The following SNTG2 variants were observed in gnomAD, a reference collection of about 807,000 sequenced individuals.
SNTG2 encodes the protein gamma-2-syntrophin.
A neutral mutation model predicts 70.9 loss-of-function variants in SNTG2; 74 were observed. That is an observed-to-expected ratio of 1.04 (90% CI 0.86 to 1.27). The LOEUF (loss-of-function observed/expected upper bound fraction) is 1.27. Among genes scored for constraint, SNTG2 ranks in the 50% most tolerant of loss-of-function variants. SNTG2 has a pLI of 0.00. For synonymous variants in SNTG2, 278 were observed against 273.8 expected (o/e 1.02, Z -0.15); for missense variants, 717 against 690.7 (o/e 1.04, Z -0.43).
chr2:1,367,528 C>A lies in SNTG2; in HGVS notation c.*54C>A, dbSNP rs1661554790. On this transcript the variant is annotated 3_prime_UTR_variant, in exon 17 of 17. Coordinates refer to ENST00000308624, the MANE Select transcript of SNTG2 (RefSeq NM_018968.4). The stretch of plus-strand genomic sequence containing the variant: ...TAAATTATTTTCGTAAGAAATGATT[C>A]TTTCCTGCAGAATATTGCAACTTTG... 2.0e-6 allele frequency: 3 copies of A among 1,537,036 alleles called. No homozygotes were observed. The highest frequency in any genetic ancestry group is 2.5e-5 in the East Asian group (1 of 40,752).
At chr2:1,040,477 C>T (rs1433117127) in intron 1 of SNTG2, among the ~76,000 whole-genome samples, 1 of 152,198 alleles carries the variant, frequency 6.6e-6, no homozygotes, top group Admixed American at 6.5e-5. Flanking sequence ...CACCTTTGCA[C>T]TGACTGGCTC....
intron 12 of SNTG2, among the ~76,000 whole-genome samples, chr2:1,248,219 CT>C (rs1677549993): frequency 6.6e-6 from 1 of 152,124 alleles, no homozygotes; most frequent in Non-Finnish European, 1.5e-5. Flanking sequence ...ATAAGGATGG[CT>C]TTTTAAGTAA....
chr2:998,891 C>T (rs1389843955), intron 1 of SNTG2, among the ~76,000 whole-genome samples: 1 of 151,996 alleles, frequency 6.6e-6, no homozygotes. Flanking sequence ...AAGACAAAAG[C>T]ATCTGATTAC....
In SNTG2 at chr2:1,081,265, G is replaced by A. The variant is rs192521986; in HGVS notation, c.73-2253G>A. Among the ~76,000 whole-genome samples, 48 of 152,304 alleles carry A rather than the reference G, an allele frequency of 3.2e-4. 1 individual carries two copies. In the East Asian group the frequency reaches 8.1e-3, roughly 26 times the overall value. ...GATGCCCACTTGTCATCAGGCGCCC[G>A]TGTGTGAGAGTAAATGCGGGAGGCA... On this transcript the variant is annotated intron_variant, in intron 1 of 16. Transcript: ENST00000308624.
chr2:1,156,979 C>T (rs1197342676), intron 6 of SNTG2, among the ~76,000 whole-genome samples: 1 of 152,124 alleles, frequency 6.6e-6, no homozygotes, highest in African/African-American at 2.4e-5. Flanking sequence ...CCTGGTTATC[C>T]ATAGAAATAT....
At position 1,259,381 on chromosome 2, in the gene SNTG2, C is replaced by T. The variant is rs569178176; in HGVS notation, c.1017C>T (p.Phe339=). ...YVFSTPPVST[F]DWVRAERTYH... ...TCTGTTTCTTGCAGGTGAGCACATT[C>T]GATTGGGTGCGAGCAGAAAGGACCT... The change falls in exon 13 of 17, where the codon TTC becomes TTT. Residue 339 remains phenylalanine, a synonymous_variant. Coordinates refer to ENST00000308624, the MANE Select transcript of SNTG2 (RefSeq NM_018968.4). The T allele has an allele frequency of 4.5e-5, 72 of 1,613,784 alleles. No homozygotes were observed. Among genetic ancestry groups the T allele is most frequent in the Non-Finnish European group, 5.6e-5 (66 of 1,179,868 alleles).
intron 14 of SNTG2, among the ~76,000 whole-genome samples, chr2:1,285,204 T>C (rs1679718150): frequency 6.6e-6 from 1 of 152,156 alleles, no homozygotes; most frequent in South Asian, 2.1e-4. Context: ...TGCTGGCAGC[T>C]GATTAGATGG....
chr2:1,229,947 A>ATG (rs1676092087), intron 9 of SNTG2, among the ~76,000 whole-genome samples: 1 of 152,102 alleles, frequency 6.6e-6, no homozygotes, highest in Non-Finnish European at 1.5e-5. Flanking sequence ...CAAGCGCCGC[A>ATG]CGCAGCCCCC....
At chr2:975,646 A>AC (rs1660886952) in intron 1 of SNTG2, among the ~76,000 whole-genome samples, 2 of 136,378 alleles carry the variant, frequency 1.5e-5, no homozygotes, top group Non-Finnish European at 3.3e-5. Context: ...TTAATGTTTG[A>AC]CAAAAAATAC....
At chr2:1,191,898 GTA>G (rs1672616061) in intron 8 of SNTG2, among the ~76,000 whole-genome samples, 2 of 151,768 alleles carry the variant, frequency 1.3e-5, no homozygotes, top group South Asian at 2.1e-4. Flanking sequence ...AAGTATGTAT[GTA>G]TATATGTTAT....
intron 14 of SNTG2, among the ~76,000 whole-genome samples, chr2:1,281,292 G>C (rs796955340): frequency 0.025 from 14 of 564 alleles, 2 homozygotes; most frequent in Admixed American, 0.042. Context: ...GGTGTTTATG[G>C]TGTATATGGT....
At chr2:1,041,461 G>C (rs1661431310) in intron 1 of SNTG2, among the ~76,000 whole-genome samples, 1 of 152,064 alleles carries the variant, frequency 6.6e-6, no homozygotes, top group African/African-American at 2.4e-5. Flanking sequence ...GATATAGTTT[G>C]GATATTTGTC....
chr2:1,272,343 C>A (rs941615282), intron 14 of SNTG2, among the ~76,000 whole-genome samples: 1 of 150,848 alleles, frequency 6.6e-6, no homozygotes, highest in Non-Finnish European at 1.5e-5. Flanking sequence ...AGGGTTCCCG[C>A]TCCTGTGAGA....
intron 1 of SNTG2, among the ~76,000 whole-genome samples, chr2:1,070,849 G>A (rs1051924416): frequency 1.3e-5 from 2 of 152,206 alleles, no homozygotes; most frequent in Admixed American, 6.5e-5. Context: ...AGTCTGTAGT[G>A]ACTGTATTTA....
At chr2:1,355,619 G>A (rs1558228275) in intron 16 of SNTG2, among the ~76,000 whole-genome samples, 1 of 152,116 alleles carries the variant, frequency 6.6e-6, no homozygotes, top group Non-Finnish European at 1.5e-5. Flanking sequence ...CCCTATCCTG[G>A]CTATTGTGAG....
chr2:1,091,127 A>G (rs543911877), intron 2 of SNTG2, among the ~76,000 whole-genome samples: 5 of 152,090 alleles, frequency 3.3e-5, no homozygotes, highest in African/African-American at 1.2e-4. Context: ...TGACAGGCCC[A>G]TTCGCATCTG....
intron 1 of SNTG2, among the ~76,000 whole-genome samples, chr2:1,021,360 C>T (rs1346768131): frequency 2.0e-5 from 3 of 152,088 alleles, no homozygotes; most frequent in Non-Finnish European, 4.4e-5. Context: ...TAAAAAATAT[C>T]TCAAGCACGC....
At chr2:1,118,943 C>A (rs946048791) in intron 4 of SNTG2, among the ~76,000 whole-genome samples, 1 of 152,072 alleles carries the variant, frequency 6.6e-6, no homozygotes. Flanking sequence ...CAAACATATT[C>A]AACCCAAAGA....
At position 1,186,241 on chromosome 2, in the gene SNTG2, T is replaced by C. The variant is rs1369505347; in HGVS notation, c.591+13058T>C. 2.6e-5 allele frequency among the ~76,000 whole-genome samples: 4 copies of C among 152,212 alleles called. 1 individual carries two copies. The East Asian group carries it at 7.7e-4, about 29-fold the overall frequency. On this transcript the variant is annotated intron_variant, in intron 8 of 16. Transcript: ENST00000308624. The stretch of plus-strand genomic sequence containing the variant: ...ATTTCCATCTGAGACCACCTCAGCC[T>C]GGACTTCATTCACTATCAGCATTTT...
Sources: allele counts gnomAD v4.1 joint callset (sites outside exome capture counted in the v4.1 genomes callset), GRCh38; gene constraint gnomAD v4.1.1; transcripts MANE v1.5; gene names NCBI Gene and HGNC (gene_info 2026-07-23, HGNC 2026-07-21).